COL6A1: variants seen among roughly 807,000 people sequenced by gnomAD.
The protein encoded by COL6A1 is collagen alpha-1(VI) chain.
Under a neutral mutation model 145.6 loss-of-function variants are expected in COL6A1, and 80 were observed. That is an observed-to-expected ratio of 0.55 (90% CI 0.46 to 0.66). COL6A1 has a LOEUF of 0.66. Among genes scored for constraint, COL6A1 ranks in the 30% least tolerant of loss-of-function variants. COL6A1 has a pLI of 0.00. For missense variants in COL6A1, 1,364 were observed against 1,473.8 expected (o/e 0.93, Z 1.22); for synonymous variants, 638 against 622.8 (o/e 1.02, Z -0.36).
At chr21:46,001,479 C>A in intron 30 of COL6A1, 93 bp downstream of exon 30, 1 of 1,509,918 alleles carries the variant, frequency 6.6e-7, no homozygotes, top group Non-Finnish European at 9.1e-7. Flanking sequence ...CCTCCCGAGG[C>A]CACCGCTGCA....
intron 1 of COL6A1, among the ~76,000 whole-genome samples, 165 bp from the exon 2 acceptor site, chr21:45,982,469 C>T (rs968750681): frequency 2.6e-5 from 4 of 152,174 alleles, no homozygotes; most frequent in Non-Finnish European, 5.9e-5. Context: ...CCACCCCCTC[C>T]CCACCGTCCC....
At position 46,003,441 on chromosome 21, in the gene COL6A1, A is replaced by G. The variant is rs1204661772; in HGVS notation, c.2515A>G (p.Ser839Gly). Residue 839 changes from serine (S) to glycine (G), a missense_variant, in exon 35 of 35, where the codon AGC becomes GGC. Coordinates refer to ENST00000361866, the MANE Select transcript of COL6A1 (RefSeq NM_001848.3). ...DITILLDGSA[S>G]VGSHNFDTTK... ...CACCATCCTGCTGGACGGCTCCGCC[A>G]GCGTGGGCAGCCACAACTTTGACAC... 1 of 1,604,178 alleles carries G rather than the reference A, an allele frequency of 6.2e-7. No individual in the cohort carries two copies. The highest frequency in any genetic ancestry group is 8.5e-7 in the Non-Finnish European group (1 of 1,179,664).
In COL6A1 at chr21:45,987,161, A is replaced by G. The variant is rs774044672; in HGVS notation, c.724A>G (p.Asn242Asp). The stretch of plus-strand genomic sequence containing the variant: ...TTTCCATTTCTCTTTCCAGAAAAAT[A>G]ACGTGGAGCAAGTGGTAAGAGCCCT... The part of the protein sequence containing the change: ...IDTIVDMIKN[N>D]VEQVCCSFEC... The change falls in exon 6 of 35, where the codon AAC becomes GAC. Residue 242 changes from asparagine (N) to aspartate (D), a missense_variant. Transcript: ENST00000361866. 41 of 1,598,066 alleles carry G rather than the reference A, an allele frequency of 2.6e-5. No individual in the cohort carries two copies. Among genetic ancestry groups the G allele is most frequent in the Non-Finnish European group, 3.3e-5 (39 of 1,176,542 alleles).
intron 9 of COL6A1, 135 bp from the exon 10 acceptor site, chr21:45,989,473 C>T: frequency 1.1e-6 from 1 of 948,610 alleles, no homozygotes; most frequent in Non-Finnish European, 1.7e-6. Context: ...GCCTCGGCAC[C>T]ATGGGCCCCG....
chr21:45,984,329 G>A lies in COL6A1; in HGVS notation c.288G>A (p.Glu96=), dbSNP rs1486400451. 1.2e-6 allele frequency: 2 copies of A among 1,612,238 alleles called. No homozygotes were observed. Among genetic ancestry groups the A allele is most frequent in the Non-Finnish European group, 1.7e-6 (2 of 1,179,778 alleles). ...CAGGCGCGCTGCACTACAGTGACGA[G>A]GTGGAGATCATCCAAGGCCTCACGC... ...WNAGALHYSD[E]VEIIQGLTRM... is the part of the protein sequence containing the mutation. The change falls in exon 3 of 35, where the codon GAG becomes GAA. Residue 96 remains glutamate (E), a synonymous_variant. Coordinates refer to ENST00000361866, the MANE Select transcript of COL6A1 (RefSeq NM_001848.3).
At position 45,998,329 on chromosome 21, in the gene COL6A1, C is replaced by CTG. The variant is rs922483764; in HGVS notation, c.1576-66_1576-65dup. 8 of 1,604,436 alleles carry CTG rather than the reference C, an allele frequency of 5.0e-6. No individual in the cohort carries two copies. In the African/African-American group the frequency reaches 9.4e-5, roughly 19 times the overall value. On this transcript the variant is annotated intron_variant, in intron 23 of 34. Coordinates refer to ENST00000361866, the MANE Select transcript of COL6A1 (RefSeq NM_001848.3). ...GATTCTGTCAGCTCAGGCCCTTCCGCTGTGCGCCCCTCACAGCCTCCCCTC... is the reference window on the plus strand; with the variant it reads ...GATTCTGTCAGCTCAGGCCCTTCCGCTGTGTGCGCCCCTCACAGCCTCCCCTC...
At position 45,992,547 on chromosome 21, in the gene COL6A1, C is replaced by G; in HGVS notation, c.1272+149C>G. On this transcript the variant is annotated intron_variant, in intron 18 of 34. Transcript: ENST00000361866. ...TTCTTCACCCACACGTCCAGGATGC[C>G]TCTTCCCACAGTCTCAGAGCGGGTG... 4.4e-6 allele frequency: 5 copies of G among 1,128,986 alleles called. No individual in the cohort carries two copies. The South Asian group carries it at 7.4e-5, about 17-fold the overall frequency. 69.9% of individuals were successfully genotyped at this position (1,128,986 alleles called of 1,614,324 possible). A position where few individuals can be genotyped will look rare whatever the true frequency, so the allele number is the denominator to read the frequency against.
intron 27 of COL6A1, among the ~76,000 whole-genome samples, chr21:45,999,999 T>TGGAGGGCATGTGAGGATCATGG (rs1569518938): frequency 4.0e-3 from 14 of 3,518 alleles, no homozygotes; most frequent in East Asian, 8.2e-3. Context: ...GTGAGGATCA[T>TGGAGGGCATGTGAGGATCATGG]GGGGGACCCG....
At position 45,981,978 on chromosome 21, in the gene COL6A1, AC is replaced by A. The variant is rs771107946; in HGVS notation, c.97+37del. On this transcript the variant is annotated intron_variant, in intron 1 of 34. Transcript: ENST00000361866. ...TGGTGGCTTGGGGTGCAGGCTCCAG[AC>A]CCCCCGCTCTTTGCTGCCGGCCAGG... The A allele has an allele frequency of 1.8e-5, 27 of 1,533,692 alleles. No individual in the cohort carries two copies. In the East Asian group the frequency reaches 2.8e-4, roughly 16 times the overall value.
intron 10 of COL6A1, 36 bp downstream of exon 10, chr21:45,989,688 G>A: frequency 1.2e-6 from 2 of 1,613,124 alleles, no homozygotes; most frequent in African/African-American, 2.7e-5. Flanking sequence ...GAGCCCGGTG[G>A]TGCCCTCAGC....
At chr21:45,997,792 C>G in intron 22 of COL6A1, 30 bp downstream of exon 22, 2 of 1,561,814 alleles carry the variant, frequency 1.3e-6, no homozygotes, top group Non-Finnish European at 1.7e-6. Context: ...GGCCCTAGGG[C>G]GGAGGCCTGG....
chr21:46,003,111 C>G lies in COL6A1; in HGVS notation c.2435-9C>G, dbSNP rs1279290224. 1.2e-6 allele frequency: 2 copies of G among 1,614,108 alleles called. No individual in the cohort carries two copies. Among genetic ancestry groups the G allele is most frequent in the East Asian group, 2.2e-5 (1 of 44,868 alleles). On this transcript the variant is annotated splice_polypyrimidine_tract_variant and intron_variant, in intron 33 of 34. Coordinates refer to ENST00000361866, the MANE Select transcript of COL6A1 (RefSeq NM_001848.3). ...TGGGCTCACACTGCACGGCTTTTCTCTTTTACAGACAAGAAGTGTCCAGAT... is the reference window on the plus strand; with the variant it reads ...TGGGCTCACACTGCACGGCTTTTCTGTTTTACAGACAAGAAGTGTCCAGAT...
chr21:45,997,478 T>TCACCC lies in COL6A1; in HGVS notation c.1457_1458insACCCC (p.Glu487ProfsTer20). The TCACCC allele has an allele frequency of 6.2e-7, 1 of 1,610,212 alleles. No homozygotes were observed. The highest frequency in any genetic ancestry group is 8.5e-7 in the Non-Finnish European group (1 of 1,179,234). On this transcript the variant is annotated frameshift_variant, in exon 21 of 35. Coordinates refer to ENST00000361866, the MANE Select transcript of COL6A1 (RefSeq NM_001848.3). LOFTEE classifies it high-confidence loss of function. The stretch of plus-strand genomic sequence containing the variant: ...CCGAGGCGATGAGGGTCCCCCAGGG[T>TCACCC]CCGAGGTGAGTCCCACTCCCCACCC...
At position 45,994,311 on chromosome 21, in the gene COL6A1, G is replaced by GGTCT. The variant is rs2077793143; in HGVS notation, c.1398+85_1398+88dup. On this transcript the variant is annotated intron_variant, in intron 20 of 34. Coordinates refer to ENST00000361866, the MANE Select transcript of COL6A1 (RefSeq NM_001848.3). This position sits in a 1 kb window ranked among gnomAD's most constrained non-coding sequence, Gnocchi z 6.8. The stretch of plus-strand genomic sequence containing the variant: ...GTGCTCCAGCAGCTCACGCACTGGG[G>GGTCT]GTCTGTTCATTTCCGTTTGAGGGCC... 2 of 1,324,770 alleles carry GGTCT rather than the reference G, an allele frequency of 1.5e-6. No homozygotes were observed. Among genetic ancestry groups the GGTCT allele is most frequent in the Non-Finnish European group, 2.1e-6 (2 of 939,250 alleles). 82.1% of individuals were successfully genotyped at this position (1,324,770 alleles called of 1,614,324 possible). A position where few individuals can be genotyped will look rare whatever the true frequency, so the allele number is the denominator to read the frequency against.
chr21:46,004,024 A>C lies in COL6A1; in HGVS notation c.*11A>C. The C allele has an allele frequency of 6.2e-7, 1 of 1,612,956 alleles. No individual in the cohort carries two copies. Among genetic ancestry groups the C allele is most frequent in the Non-Finnish European group, 8.5e-7 (1 of 1,179,992 alleles). On this transcript the variant is annotated 3_prime_UTR_variant, in exon 35 of 35. Coordinates refer to ENST00000361866, the MANE Select transcript of COL6A1 (RefSeq NM_001848.3). Reference sequence around the variant, plus strand: ...GTGGCGCTGGGCTAGCCCACCCTGCACGCCGGCACCAAACCCTGTCCTCCC... The same window carrying C: ...GTGGCGCTGGGCTAGCCCACCCTGCCCGCCGGCACCAAACCCTGTCCTCCC...
At chr21:45,982,570 G>A in intron 1 of COL6A1, 64 bp from the exon 2 acceptor site, 1 of 1,608,742 alleles carries the variant, frequency 6.2e-7, no homozygotes. Context: ...GGGAGGGCAG[G>A]CCCAGCAGAG....
In COL6A1 at chr21:45,994,247, G is replaced by A. The variant is rs201526585; in HGVS notation, c.1398+18G>A. 8.1e-6 allele frequency: 13 copies of A among 1,602,912 alleles called. No individual in the cohort carries two copies. In the East Asian group the frequency reaches 2.0e-4, roughly 25 times the overall value. On this transcript the variant is annotated intron_variant, in intron 20 of 34. Transcript: ENST00000361866. This position sits in a 1 kb window ranked among gnomAD's most constrained non-coding sequence, Gnocchi z 6.8. ...GAGACCCGGTAGGAAGCGCTGTGGG[G>A]TTGGGGGGCGTTGGCCAATTTGGGT...
Position 45,984,396 on chromosome 21 carries a change from G to A in COL6A1, c.355G>A (p.Ala119Thr), listed in dbSNP as rs149392243. ...GRDALKSSVD[A>T]VKYFGKGTYT... ...CGACGCACTCAAAAGCAGCGTGGAC[G>A]CGGTCAAGTACTTTGGGAAGGGCAC... Residue 119 changes from alanine (A) to threonine (T), a missense_variant, in exon 3 of 35, where the codon GCG becomes ACG. By Grantham distance (58) the Ala-to-Thr change is moderately conservative. Coordinates refer to ENST00000361866, the MANE Select transcript of COL6A1 (RefSeq NM_001848.3). 75 of 1,612,622 alleles carry A rather than the reference G, an allele frequency of 4.7e-5. No homozygotes were observed. Among genetic ancestry groups the A allele is most frequent in the African/African-American group, 1.2e-4 (9 of 74,944 alleles).
rs779320527 is a variant in COL6A1 at position 45,997,481 on chromosome 21, G to A, written c.1459G>A (p.Glu487Lys). Reference sequence around the variant, plus strand: ...AGGCGATGAGGGTCCCCCAGGGTCCGAGGTGAGTCCCACTCCCCACCCACA... The same window carrying A: ...AGGCGATGAGGGTCCCCCAGGGTCCAAGGTGAGTCCCACTCCCCACCCACA... ...YRGDEGPPGS[E>K]GARGAPGPAG... Residue 487 changes from glutamate to lysine, a missense_variant and splice_region_variant, in exon 21 of 35, where the codon GAG becomes AAG. By Grantham distance (56) the Glu-to-Lys change is moderately conservative. This residue lies in a region of COL6A1 where 938 missense variants were observed against 1,003.8 expected (regional missense o/e 0.93). Coordinates refer to ENST00000361866, the MANE Select transcript of COL6A1 (RefSeq NM_001848.3). 9.9e-6 allele frequency: 16 copies of A among 1,609,494 alleles called. No individual in the cohort carries two copies. The highest frequency in any genetic ancestry group is 1.6e-4 in the Middle Eastern group (1 of 6,066).
Sources: gnomAD v4.1 joint callset for allele counts (sites outside exome capture counted in the v4.1 genomes callset) on GRCh38, gnomAD v4.1.1 for gene constraint, gnomAD v4.1.1 regional missense constraint, Gnocchi (gnomAD v3.1) non-coding constraint, MANE v1.5 for transcripts, NCBI Gene and HGNC (gene_info 2026-07-23, HGNC 2026-07-21) for gene names.